The following PTP4A1 variants were observed in gnomAD, a reference collection of about 807,000 sequenced individuals.
The protein encoded by PTP4A1 is protein tyrosine phosphatase type IVA 1.
Under a neutral mutation model 20.5 loss-of-function variants are expected in PTP4A1, and 9 were observed. The ratio of observed to expected loss-of-function variants is 0.44; its 90% confidence interval spans 0.26 to 0.77. PTP4A1 has a LOEUF of 0.77. Among genes scored for constraint, PTP4A1 ranks in the 30% least tolerant of loss-of-function variants. The pLI is 0.19. For synonymous variants in PTP4A1, 78 were observed against 67.4 expected (o/e 1.16, Z -0.77); for missense variants, 137 against 218.8 (o/e 0.63, Z 2.36).
chr6:63,533,346 C>T (rs1775559047), intron 2 of PTP4A1, among the ~76,000 whole-genome samples: 1 of 152,130 alleles, frequency 6.6e-6, no homozygotes, highest in South Asian at 2.1e-4. Flanking sequence ...TATGACACTG[C>T]ACTTCAGCCT....
At chr6:63,579,140 A>G (rs955105700) in intron 4 of PTP4A1, 112 bp downstream of exon 4, 14 of 1,374,932 alleles carry the variant, frequency 1.0e-5, no homozygotes, top group Non-Finnish European at 1.4e-5. Context: ...TGTCATAGGT[A>G]TTACTTAAAT....
intron 2 of PTP4A1, among the ~76,000 whole-genome samples, chr6:63,577,802 C>G (rs1298163367): frequency 6.6e-6 from 1 of 151,426 alleles, no homozygotes; most frequent in Non-Finnish European, 1.5e-5. Context: ...GCCACCACGC[C>G]TGGCTGGGAA....
In PTP4A1 at chr6:63,580,844, ATG is replaced by A. The variant is rs1778184934; in HGVS notation, c.*672_*673del. 1 of 152,454 alleles carries A rather than the reference ATG, an allele frequency of 6.6e-6. No individual in the cohort carries two copies. The highest frequency in any genetic ancestry group is 2.4e-5 in the African/African-American group (1 of 41,384). The allele number at this position is 152,454 out of a possible 1,614,324, so 9.4% of individuals were successfully genotyped here. On this transcript the variant is annotated 3_prime_UTR_variant, in exon 6 of 6. Transcript: ENST00000626021. ...GAAAATCTACGTTGTACAGAAGCAC[ATG>A]TCTTTAATGTCTTCAGACAAAAAAG...
At chr6:63,544,922 A>G (rs1253749172) in intron 2 of PTP4A1, among the ~76,000 whole-genome samples, 1 of 152,200 alleles carries the variant, frequency 6.6e-6, no homozygotes. Flanking sequence ...GTCTCCGAAG[A>G]GATACTTTAA....
At position 63,525,935 on chromosome 6, in the gene PTP4A1, C is replaced by T. The variant is rs182140713; in HGVS notation, c.-905-1884C>T. Among the ~76,000 whole-genome samples the T allele has an allele frequency of 1.1e-3, 168 of 152,302 alleles. 3 individuals are homozygous for T. Among genetic ancestry groups the T allele is most frequent in the Admixed American group, 0.011 (162 of 15,294 alleles). ...TTAAGGAGACAACGTATCTCTAAGA[C>T]AGTCTCTTCCAATTGTCAATTGTTT... On this transcript the variant is annotated intron_variant, in intron 1 of 3. Coordinates refer to the PTP4A1 transcript ENST00000639568.
rs1778192764 is a variant in PTP4A1 at position 63,580,992 on chromosome 6, T to C, written c.*818T>C. 2 of 152,344 alleles carry C rather than the reference T, an allele frequency of 1.3e-5. No homozygotes were observed. Among genetic ancestry groups the C allele is most frequent in the Non-Finnish European group, 2.9e-5 (2 of 68,016 alleles). The allele number at this position is 152,344 out of a possible 1,614,324, so 9.4% of individuals were successfully genotyped here. On this transcript the variant is annotated 3_prime_UTR_variant, in exon 6 of 6. Coordinates refer to ENST00000626021, the MANE Select transcript of PTP4A1 (RefSeq NM_003463.5). Reference sequence around the variant, plus strand: ...ATGTTGCCTTTGTCTTGTGCAAACATGTAGAATATGCTCTTTAATTTAGTA... The same window carrying C: ...ATGTTGCCTTTGTCTTGTGCAAACACGTAGAATATGCTCTTTAATTTAGTA...
chr6:63,539,413 C>T (rs1043506592), intron 2 of PTP4A1, among the ~76,000 whole-genome samples: 4 of 152,176 alleles, frequency 2.6e-5, no homozygotes, highest in Admixed American at 2.6e-4. Context: ...GGGGTACTCA[C>T]TATCCTTCAT....
rs144571773 is a variant in PTP4A1 at position 63,581,936 on chromosome 6, T to A, written c.*1762T>A. ...GATCACGTTAATCTAAATCTAGATG[T>A]CTTTGTCTAATTTTTTTTGAATAGC... On this transcript the variant is annotated 3_prime_UTR_variant, in exon 6 of 6. Coordinates refer to ENST00000626021, the MANE Select transcript of PTP4A1 (RefSeq NM_003463.5). 6.6e-6 allele frequency: 1 copy of A among 152,306 alleles called. No individual in the cohort carries two copies. The highest frequency in any genetic ancestry group is 2.4e-5 in the African/African-American group (1 of 41,592). 9.4% of individuals were successfully genotyped at this position (152,306 alleles called of 1,614,324 possible).
At position 63,582,753 on chromosome 6, in the gene PTP4A1, ACT is replaced by A. The variant is rs1163249126; in HGVS notation, c.*2582_*2583del. 6.6e-6 allele frequency: 1 copy of A among 152,086 alleles called. No homozygotes were observed. The highest frequency in any genetic ancestry group is 6.6e-5 in the Admixed American group (1 of 15,252). 9.4% of individuals were successfully genotyped at this position (152,086 alleles called of 1,614,324 possible). A position where few individuals can be genotyped will look rare whatever the true frequency, so the allele number is the denominator to read the frequency against. On this transcript the variant is annotated 3_prime_UTR_variant, in exon 6 of 6. Transcript: ENST00000626021. ...GCCATCTCTTTTTAGTTGAAGGAAAACTCTGGAAGTAGGTGCCATTGGTCATT... is the reference window on the plus strand; with the variant it reads ...GCCATCTCTTTTTAGTTGAAGGAAAACTGGAAGTAGGTGCCATTGGTCATT...
In PTP4A1 at chr6:63,583,324, G is replaced by GTGTATATA. The variant is rs1444462620; in HGVS notation, c.*3154_*3161dup. The GTGTATATA allele has an allele frequency of 6.6e-6, 1 of 152,162 alleles. No homozygotes were observed. Among genetic ancestry groups the GTGTATATA allele is most frequent in the African/African-American group, 2.4e-5 (1 of 41,424 alleles). The allele number at this position is 152,162 out of a possible 1,614,324, so 9.4% of individuals were successfully genotyped here. On this transcript the variant is annotated 3_prime_UTR_variant, in exon 6 of 6. Coordinates refer to ENST00000626021, the MANE Select transcript of PTP4A1 (RefSeq NM_003463.5). ...TGCTTCCTTAAATTAATATGTTTGT[G>GTGTATATA]TGTATATATGTGCCTCACACCTGAA...
chr6:63,529,135 GTGTATATATATA>G (rs1436688086), intron 2 of PTP4A1, among the ~76,000 whole-genome samples: 4 of 133,920 alleles, frequency 3.0e-5, no homozygotes, highest in Non-Finnish European at 6.3e-5. Flanking sequence ...ATATATGTGT[GTGTATATATATA>G]TGTATATATA....
rs1776092029 is a variant in PTP4A1 at position 63,544,147 on chromosome 6, C to CA, written c.-639-6152dup. Among the ~76,000 whole-genome samples, 3 of 152,260 alleles carry CA rather than the reference C, an allele frequency of 2.0e-5. No homozygotes were observed. The South Asian group carries it at 6.2e-4, about 32-fold the overall frequency. ...GTAAAGACTACCAGACACTGTGCCT[C>CA]AGACAGTTGTCCGGAGGGCTTTACC... is the stretch of plus-strand genomic sequence containing the variant. On this transcript the variant is annotated intron_variant, in intron 2 of 3. Transcript: ENST00000639568.
intron 2 of PTP4A1, among the ~76,000 whole-genome samples, chr6:63,532,171 C>T (rs941899280): frequency 6.6e-6 from 1 of 152,184 alleles, no homozygotes; most frequent in African/African-American, 2.4e-5. Context: ...TTAGAAATAA[C>T]AATTCAATCT....
intron 3 of PTP4A1, among the ~76,000 whole-genome samples, chr6:63,564,194 T>C (rs1407592457): frequency 2.6e-5 from 4 of 151,488 alleles, no homozygotes; most frequent in Middle Eastern, 3.4e-3. Context: ...GAGAATCACT[T>C]GAACCCGGGA....
intron 2 of PTP4A1, among the ~76,000 whole-genome samples, chr6:63,547,772 A>G (rs1176484108): frequency 1.3e-5 from 2 of 151,450 alleles, no homozygotes; most frequent in South Asian, 2.1e-4. Flanking sequence ...CGGCCTCCCA[A>G]AGTGCTGGGA....
chr6:63,557,699 G>T (rs546381431), intron 3 of PTP4A1, among the ~76,000 whole-genome samples: 2 of 152,256 alleles, frequency 1.3e-5, no homozygotes, highest in East Asian at 3.9e-4. Context: ...ATCACAGTTG[G>T]TTTCAAACAT....
chr6:63,578,349 T>TA lies in PTP4A1; in HGVS notation c.106-87dup, dbSNP rs1262210172. 5 of 1,386,360 alleles carry TA rather than the reference T, an allele frequency of 3.6e-6. No homozygotes were observed. The South Asian group carries it at 5.2e-5, about 14-fold the overall frequency. The allele number at this position is 1,386,360 out of a possible 1,614,324, so 85.9% of individuals were successfully genotyped here. The stretch of plus-strand genomic sequence containing the variant: ...ATGATCTTCTGTTAACCAGCATACT[T>TA]ACTGATCAGAGATGATCAGAATATA... On this transcript the variant is annotated intron_variant, in intron 2 of 5. Transcript: ENST00000626021.
chr6:63,576,704 T>C lies in PTP4A1; in HGVS notation c.-177T>C. 1 of 612,732 alleles carries C rather than the reference T, an allele frequency of 1.6e-6. No individual in the cohort carries two copies. 38.0% of individuals were successfully genotyped at this position (612,732 alleles called of 1,614,324 possible). A position where few individuals can be genotyped will look rare whatever the true frequency, so the allele number is the denominator to read the frequency against. On this transcript the variant is annotated 5_prime_UTR_variant, in exon 2 of 6. Coordinates refer to ENST00000626021, the MANE Select transcript of PTP4A1 (RefSeq NM_003463.5). ...CCTCAGTATTACTGGATTGAAGAATTGCTGCTTCTTGTTAGGAGGTTCATT... is the reference window on the plus strand; with the variant it reads ...CCTCAGTATTACTGGATTGAAGAATCGCTGCTTCTTGTTAGGAGGTTCATT...
At chr6:63,578,609 T>G in intron 3 of PTP4A1, 80 bp downstream of exon 3, 3 of 1,513,700 alleles carry the variant, frequency 2.0e-6, no homozygotes, top group South Asian at 1.3e-5. Context: ...AATAAATATC[T>G]ATTTAAGTCA....
Sources: allele counts gnomAD v4.1 joint callset (sites outside exome capture counted in the v4.1 genomes callset), GRCh38; gene constraint gnomAD v4.1.1; transcripts MANE v1.5; gene names NCBI Gene and HGNC (gene_info 2026-07-23, HGNC 2026-07-21).